The following MSRA variants were observed in gnomAD, a reference collection of about 807,000 sequenced individuals.
MSRA encodes mitochondrial peptide methionine sulfoxide reductase.
Under a neutral mutation model 31.3 loss-of-function variants are expected in MSRA, and 54 were observed. That is an observed-to-expected ratio of 1.73 (90% CI 1.39 to 2.17). The LOEUF is 2.17. Among genes scored for constraint, MSRA ranks in the 30% most tolerant of loss-of-function variants. MSRA has a pLI of 0.00. For synonymous variants in MSRA, 169 were observed against 116.5 expected (o/e 1.45, Z -2.90); for missense variants, 507 against 300.9 (o/e 1.69, Z -5.07).
At chr8:10,072,306 T>G (rs77729583) in intron 1 of MSRA, among the ~76,000 whole-genome samples, 1 of 44 alleles carries the variant, frequency 0.023, no homozygotes, top group East Asian at 0.5. Context: ...TTTCGCAACA[T>G]TTTTTTTTTT....
At position 10,395,355 on chromosome 8, in the gene MSRA, G is replaced by T. The variant is rs914056693; in HGVS notation, c.544-32793G>T. Among the ~76,000 whole-genome samples, 3 of 152,126 alleles carry T rather than the reference G, an allele frequency of 2.0e-5. No individual in the cohort carries two copies. In the East Asian group the frequency reaches 5.8e-4, roughly 29 times the overall value. On this transcript the variant is annotated intron_variant, in intron 5 of 5. Coordinates refer to ENST00000317173, the MANE Select transcript of MSRA (RefSeq NM_012331.5). ...CTAAATACGTATGAGTCTGTGAACC[G>T]CCATGTTCACTAAGGGGATTATAGG...
At chr8:10,147,475 C>T (rs1405783485) in intron 1 of MSRA, among the ~76,000 whole-genome samples, 1 of 152,164 alleles carries the variant, frequency 6.6e-6, no homozygotes, top group Admixed American at 6.5e-5. Flanking sequence ...GCGTGTGGTC[C>T]AGGAATGAGT....
chr8:10,364,209 C>G (rs1805027344), intron 5 of MSRA, among the ~76,000 whole-genome samples: 1 of 152,214 alleles, frequency 6.6e-6, no homozygotes, highest in South Asian at 2.1e-4. Flanking sequence ...TGAATTGTCC[C>G]TGCCCGTATG....
chr8:10,165,402 C>G (rs1218560304), intron 1 of MSRA, among the ~76,000 whole-genome samples: 1 of 151,966 alleles, frequency 6.6e-6, no homozygotes. Context: ...GATTAAAAAC[C>G]CAAGCTTAGG....
chr8:10,235,861 T>C (rs1382945199), intron 2 of MSRA, among the ~76,000 whole-genome samples: 1 of 152,006 alleles, frequency 6.6e-6, no homozygotes, highest in Non-Finnish European at 1.5e-5. Context: ...TATAAGAAAA[T>C]AAAGTTATAA....
intron 3 of MSRA, among the ~76,000 whole-genome samples, chr8:10,274,647 A>G (rs1799223513): frequency 6.6e-6 from 1 of 152,110 alleles, no homozygotes. Context: ...TCCATGTGTT[A>G]TCCATATGCC....
At chr8:10,388,790 G>A (rs747430105) in intron 5 of MSRA, among the ~76,000 whole-genome samples, 1 of 151,844 alleles carries the variant, frequency 6.6e-6, no homozygotes, top group Non-Finnish European at 1.5e-5. Flanking sequence ...GCTGTTCTAC[G>A]CATGATGGGA....
chr8:10,211,742 G>C (rs376246692), intron 2 of MSRA, among the ~76,000 whole-genome samples: 2 of 152,076 alleles, frequency 1.3e-5, no homozygotes, highest in Non-Finnish European at 2.9e-5. Flanking sequence ...ACCCTGCTGG[G>C]CCTGTCTTAG....
intron 4 of MSRA, among the ~76,000 whole-genome samples, chr8:10,309,800 G>A (rs867366821): frequency 5.3e-5 from 8 of 152,186 alleles, no homozygotes; most frequent in African/African-American, 9.7e-5. Flanking sequence ...CCTGCCAGAC[G>A]TGTGCAGTCA....
chr8:10,308,902 T>A (rs1801284407), intron 4 of MSRA, among the ~76,000 whole-genome samples: 4 of 152,224 alleles, frequency 2.6e-5, no homozygotes, highest in Admixed American at 2.6e-4. Flanking sequence ...ATAGTCAGGA[T>A]TAAATGGAAT....
chr8:10,297,430 C>T (rs899249723), intron 3 of MSRA, among the ~76,000 whole-genome samples: 9 of 152,150 alleles, frequency 5.9e-5, no homozygotes, highest in Non-Finnish European at 8.8e-5. Flanking sequence ...ATGCTATGTG[C>T]GCGATGTTAT....
chr8:10,352,642 C>T (rs1040367910), intron 5 of MSRA, among the ~76,000 whole-genome samples: 1 of 152,142 alleles, frequency 6.6e-6, no homozygotes, highest in African/African-American at 2.4e-5. Context: ...CCTGAAAATA[C>T]TCAAATATTT....
At chr8:10,420,598 G>A (rs1585741976) in intron 5 of MSRA, among the ~76,000 whole-genome samples, 1 of 152,038 alleles carries the variant, frequency 6.6e-6, no homozygotes, top group African/African-American at 2.4e-5. Context: ...TTTCCATATG[G>A]TCTCGGATCT....
intron 3 of MSRA, among the ~76,000 whole-genome samples, chr8:10,260,310 A>T (rs80239884): frequency 6.6e-6 from 1 of 152,158 alleles, no homozygotes; most frequent in Non-Finnish European, 1.5e-5. Context: ...CTGGCCAGTG[A>T]CAGGGGCACG....
At chr8:10,401,153 T>A (rs1183791979) in intron 5 of MSRA, among the ~76,000 whole-genome samples, 5 of 150,996 alleles carry the variant, frequency 3.3e-5, no homozygotes, top group African/African-American at 1.2e-4. Context: ...AAATCATATA[T>A]CTGATAAGGG....
intron 5 of MSRA, among the ~76,000 whole-genome samples, chr8:10,348,601 C>A (rs965331425): frequency 6.6e-6 from 1 of 152,052 alleles, no homozygotes; most frequent in African/African-American, 2.4e-5. Context: ...ATCTCTTGAC[C>A]TCGTGATCCG....
chr8:10,141,015 A>G (rs1304574069), intron 1 of MSRA, among the ~76,000 whole-genome samples: 1 of 152,200 alleles, frequency 6.6e-6, no homozygotes, highest in Non-Finnish European at 1.5e-5. Flanking sequence ...GGGCTGTGCA[A>G]ATACTGGTGT....
chr8:10,203,389 T>C (rs958688790), intron 1 of MSRA, among the ~76,000 whole-genome samples: 2 of 152,230 alleles, frequency 1.3e-5, no homozygotes, highest in South Asian at 2.1e-4. Context: ...AACACACGCA[T>C]GTACACATAA....
rs1284565506 is a variant in MSRA, at chr8:10,054,612, C to T, written c.96C>T (p.Ser32=). The change falls in exon 1 of 6, where the codon AGC becomes AGT. Residue 32 remains serine, a synonymous_variant. Transcript: ENST00000317173. ...RMGNSASNIV[S]PQEALPGRKE... The stretch of plus-strand genomic sequence containing the variant: ...GCAACTCGGCCTCGAACATCGTCAG[C>T]CCCCAGGAGGCCTTGCCGGGCCGGA... The T allele has an allele frequency of 3.2e-6, 5 of 1,578,714 alleles. No individual in the cohort carries two copies. The highest frequency in any genetic ancestry group is 2.8e-5 in the African/African-American group (2 of 71,480).
Sources: allele counts gnomAD v4.1 joint callset (sites outside exome capture counted in the v4.1 genomes callset), GRCh38; gene constraint gnomAD v4.1.1; transcripts MANE v1.5; gene names NCBI Gene and HGNC (gene_info 2026-07-23, HGNC 2026-07-21).